STRC: variants seen among roughly 807,000 people sequenced by gnomAD.
STRC encodes stereocilin.
A neutral mutation model predicts 103.5 loss-of-function variants in STRC; 43 were observed. The observed-to-expected ratio is 0.42, with a 90% CI of 0.33 to 0.54. The LOEUF (loss-of-function observed/expected upper bound fraction) is 0.54, where lower values mean the gene tolerates loss of function less well. STRC is among the 20% of genes least tolerant of loss of function. The pLI, the probability that STRC is intolerant of heterozygous loss-of-function variation, is 0.14. For synonymous variants in STRC, 186 were observed against 442.3 expected, an observed-to-expected ratio of 0.42 and a Z score of 7.27; for missense variants, 499 against 1,088.5, an observed-to-expected ratio of 0.46 and a Z score of 7.62.
At chr15:43,604,216 C>CT in intron 21 of STRC, 64 bp from the exon 22 acceptor site, 8 of 1,605,356 alleles carry the variant, frequency 5.0e-6, no homozygotes, top group Non-Finnish European at 6.8e-6. Flanking sequence ...TGCTATAGCT[C>CT]TAAGTCCAAA....
Position 43,605,251 on chromosome 15 carries a change from G to C in STRC, c.3930+13C>G. The C allele has an allele frequency of 6.3e-7, 1 of 1,578,758 alleles. No individual in the cohort carries two copies. The highest frequency in any genetic ancestry group is 8.6e-7 in the Non-Finnish European group (1 of 1,161,230). On this transcript the variant is annotated intron_variant, in intron 19 of 28. Coordinates refer to ENST00000450892, the MANE Select transcript of STRC (RefSeq NM_153700.2). Reference sequence around the variant, plus strand: ...AGGGCAGCAAATCTGAGTCTGGTAGGGTGGACTCTTACCAGGTTTTGTAGT... The same window carrying C: ...AGGGCAGCAAATCTGAGTCTGGTAGCGTGGACTCTTACCAGGTTTTGTAGT...
intron 7 of STRC, among the ~76,000 whole-genome samples, chr15:43,613,632 G>GTAATTAC (rs1344166241): frequency 7.1e-6 from 1 of 141,684 alleles, no homozygotes; most frequent in East Asian, 2.1e-4. Context: ...TTACAGGCAT[G>GTAATTAC]AGCCACCACG....
At chr15:43,602,137 A>G (rs1344901886) in intron 23 of STRC, among the ~76,000 whole-genome samples, 2 of 150,680 alleles carry the variant, frequency 1.3e-5, no homozygotes, top group Admixed American at 6.6e-5. Flanking sequence ...AAAAAAAAAA[A>G]AAAAAAAAAG....
intron 21 of STRC, 60 bp downstream of exon 21, chr15:43,604,301 A>G (rs2141523014): frequency 6.3e-7 from 1 of 1,588,146 alleles, no homozygotes; most frequent in Non-Finnish European, 8.6e-7. Flanking sequence ...ACGGGTCCCC[A>G]TAACCAGCTC....
At position 43,603,663 on chromosome 15, in the gene STRC, T is replaced by A. The variant is rs1347602431; in HGVS notation, c.4376-252A>T. 4.7e-6 allele frequency: 3 copies of A among 632,598 alleles called. No homozygotes were observed. The African/African-American group carries it at 5.5e-5, about 12-fold the overall frequency. 39.2% of individuals were successfully genotyped at this position (632,598 alleles called of 1,614,324 possible). On this transcript the variant is annotated intron_variant, in intron 22 of 28. Transcript: ENST00000450892. Reference sequence around the variant, plus strand: ...AGAGATTTAATGGTAGCACTGAATTTGAACCCAGTTCTCCAGCCTCACAAT... The same window carrying A: ...AGAGATTTAATGGTAGCACTGAATTAGAACCCAGTTCTCCAGCCTCACAAT...
At chr15:43,602,896 T>C (rs1343767270) in intron 23 of STRC, among the ~76,000 whole-genome samples, 2 of 151,484 alleles carry the variant, frequency 1.3e-5, no homozygotes, top group Non-Finnish European at 2.9e-5. Flanking sequence ...CTGCCCGCCT[T>C]GGCCTCCCAA....
At chr15:43,602,836 C>T (rs1242196922) in intron 23 of STRC, among the ~76,000 whole-genome samples, 6 of 151,206 alleles carry the variant, frequency 4.0e-5, no homozygotes, top group Non-Finnish European at 5.9e-5. Context: ...TAGTAGAGAC[C>T]GTGTTTCGCC....
At chr15:43,609,201 T>C in intron 16 of STRC, 75 bp downstream of exon 16, 2 of 1,460,824 alleles carry the variant, frequency 1.4e-6, no homozygotes, top group Non-Finnish European at 1.9e-6. Context: ...CCATATCACA[T>C]GGTGCCTGGC....
chr15:43,608,692 C>T (rs1330174556), intron 16 of STRC, among the ~76,000 whole-genome samples: 1 of 128,620 alleles, frequency 7.8e-6, no homozygotes, highest in Admixed American at 7.7e-5. Flanking sequence ...CGCCACTGCA[C>T]TCCAGCCTGG....
At chr15:43,618,509 CTG>C in intron 1 of STRC, 148 bp downstream of exon 1, 1 of 186,694 alleles carries the variant, frequency 5.4e-6, no homozygotes, top group Non-Finnish European at 9.1e-6. Flanking sequence ...AAGTCTTGGC[CTG>C]CTTTTCTTAA....
chr15:43,600,919 A>G lies in STRC; in HGVS notation c.4797T>C (p.Cys1599=), dbSNP rs376833038. The stretch of plus-strand genomic sequence containing the variant: ...GCTGGAGCTCCTCTGGCCGCAGTCC[A>G]CAGAGAGTATAACCCAGCGCTGTCA... ...VHLTALGYTL[C]GLRPEELQHI... The change falls in exon 25 of 29, where the codon TGT becomes TGC. Residue 1599 remains cysteine, a synonymous_variant. Coordinates refer to ENST00000450892, the MANE Select transcript of STRC (RefSeq NM_153700.2). The G allele has an allele frequency of 4.4e-5, 70 of 1,608,784 alleles. 2 individuals carry two copies. The highest frequency in any genetic ancestry group is 8.4e-5 in the Admixed American group (5 of 59,640).
chr15:43,602,168 C>A (rs1456610189), intron 23 of STRC, among the ~76,000 whole-genome samples: 2 of 144,250 alleles, frequency 1.4e-5, no homozygotes, highest in Non-Finnish European at 3.0e-5. Flanking sequence ...TGTCTAGACT[C>A]TTTCCCCCAG....
In STRC at chr15:43,603,334, G is replaced by A. The variant is rs373228222; in HGVS notation, c.4453C>T (p.Leu1485Phe). 31 of 1,613,824 alleles carry A rather than the reference G, an allele frequency of 1.9e-5. No individual in the cohort carries two copies. The highest frequency in any genetic ancestry group is 5.3e-5 in the African/African-American group (4 of 74,986). Reference sequence around the variant, plus strand: ...GTCAGGCAGTCCTCAAAGTCTGAGAGCTCCATCTCTGCAATCTGGGTTGCA... The same window carrying A: ...GTCAGGCAGTCCTCAAAGTCTGAGAACTCCATCTCTGCAATCTGGGTTGCA... ...WSATQIAEMELSDFEDCLTLF... is the reference protein window; with the variant it reads ...WSATQIAEMEFSDFEDCLTLF... The change falls in exon 23 of 29, where the codon CTC becomes TTC. Residue 1485 changes from leucine (L) to phenylalanine (F), a missense_variant. Leu to Phe is a conservative substitution (Grantham distance 22). Coordinates refer to ENST00000450892, the MANE Select transcript of STRC (RefSeq NM_153700.2).
intron 24 of STRC, 116 bp downstream of exon 24, chr15:43,601,280 G>A (rs986468699): frequency 4.1e-5 from 60 of 1,480,736 alleles, no homozygotes; most frequent in Non-Finnish European, 4.1e-5. Flanking sequence ...ACAAAAGATA[G>A]AAAGAAGGAC....
intron 22 of STRC, 133 bp from the exon 23 acceptor site, chr15:43,603,544 A>C: frequency 1.0e-6 from 1 of 1,001,754 alleles, no homozygotes; most frequent in East Asian, 2.4e-5. Flanking sequence ...AAGGAGTATT[A>C]CAGAGTAATA....
rs1304066062 is a variant in STRC at position 43,601,514 on chromosome 15, A to T, written c.4583T>A (p.Ile1528Asn). ...GPPRGFRPEQ[I>N]LQLGRLLIGL... The stretch of plus-strand genomic sequence containing the variant: ...TATTAAGAGCCTACCAAGCTGCAGG[A>T]TCTGCTCAGGACGAAATCCCCGGGG... The change falls in exon 24 of 29, where the codon ATC becomes AAC. Residue 1528 changes from isoleucine (I) to asparagine (N), a missense_variant. Coordinates refer to ENST00000450892, the MANE Select transcript of STRC (RefSeq NM_153700.2). 5 of 1,613,842 alleles carry T rather than the reference A, an allele frequency of 3.1e-6. No individual in the cohort carries two copies. Among genetic ancestry groups the T allele is most frequent in the Non-Finnish European group, 4.2e-6 (5 of 1,179,870 alleles).
Position 43,604,741 on chromosome 15 carries a change from G to T in STRC, c.4036C>A (p.Leu1346Met). The part of the protein sequence containing the change: ...STRQIPLQIL[L>M]SHLSQLQGFC... ...CCTTGCAGCTGACTGAGATGGGACA[G>T]CAGGATCTGTAGGGGGATCTGTCGT... The change falls in exon 20 of 29, where the codon CTG (leucine) becomes ATG (methionine). Residue 1346 changes from leucine to methionine, a missense_variant. Leu to Met is a conservative substitution (Grantham distance 15). Transcript: ENST00000450892. The T allele has an allele frequency of 5.0e-6, 8 of 1,613,668 alleles. No individual in the cohort carries two copies. The highest frequency in any genetic ancestry group is 6.8e-6 in the Non-Finnish European group (8 of 1,179,720).
intron 23 of STRC, among the ~76,000 whole-genome samples, chr15:43,601,932 C>T (rs2085672198): frequency 6.6e-6 from 1 of 151,412 alleles, no homozygotes; most frequent in Admixed American, 6.6e-5. Flanking sequence ...CCATCCTGGG[C>T]AACATAGTGA....
intron 22 of STRC, chr15:43,603,705 C>T: frequency 1.5e-6 from 1 of 651,690 alleles, no homozygotes; most frequent in Non-Finnish European, 2.6e-6. Flanking sequence ...TTCAAAGCTT[C>T]TAGGGATCTC....
Sources: gnomAD v4.1 joint callset for allele counts (sites outside exome capture counted in the v4.1 genomes callset) on GRCh38, gnomAD v4.1.1 for gene constraint, MANE v1.5 for transcripts, NCBI Gene and HGNC (gene_info 2026-07-23, HGNC 2026-07-21) for gene names.